Variants in NELL1 observed in about 807,000 individuals in gnomAD.
NELL1 encodes neural EGFL like 1, also known as protein kinase C-binding protein NELL1.
NELL1 carries 76 observed loss-of-function variants against 107.4 expected under a neutral mutation model. The ratio of observed to expected loss-of-function variants is 0.71; its 90% CI spans 0.59 to 0.86. The LOEUF (loss-of-function observed/expected upper bound fraction) is 0.86. Ranked by LOEUF, NELL1 falls within the 40% of genes least tolerant of loss-of-function variation. NELL1 has a pLI of 0.00. For missense variants in NELL1, 1,024 were observed against 1,005.5 expected (o/e 1.02, Z -0.25); for synonymous variants, 353 against 341.2 (o/e 1.03, Z -0.38).
chr11:20,936,770 A>G (rs767732777), intron 9 of NELL1, among the ~76,000 whole-genome samples: 1 of 152,240 alleles, frequency 6.6e-6, no homozygotes, highest in Non-Finnish European at 1.5e-5. Context: ...AATGAAGAAT[A>G]ACTGAGCATC....
intron 2 of NELL1, among the ~76,000 whole-genome samples, chr11:20,777,791 A>G (rs1856777634): frequency 6.6e-6 from 1 of 151,150 alleles, no homozygotes; most frequent in Non-Finnish European, 1.5e-5. Flanking sequence ...ATTCTCTACC[A>G]GTCAAGGCTG....
chr11:20,816,995 G>T (rs1209358681), intron 3 of NELL1, among the ~76,000 whole-genome samples: 2 of 152,142 alleles, frequency 1.3e-5, no homozygotes, highest in African/African-American at 4.8e-5. Flanking sequence ...AAGCTCACTT[G>T]ATCATGAAGA....
At chr11:21,014,566 G>A (rs1754105173) in intron 12 of NELL1, among the ~76,000 whole-genome samples, 1 of 152,064 alleles carries the variant, frequency 6.6e-6, no homozygotes, top group African/African-American at 2.4e-5. Flanking sequence ...CTCAATGCCT[G>A]CTTACCTCCT....
chr11:20,775,762 T>C lies in NELL1; in HGVS notation c.185-7918T>C, dbSNP rs1645614318. ...TAAGAAGAGCTCATCTGCCTTATAG[T>C]ACCTAATTAGCAAAATTATGGGGGT... On this transcript the variant is annotated intron_variant, in intron 2 of 19. Transcript: ENST00000357134. Among the ~76,000 whole-genome samples, 6 of 152,228 alleles carry C rather than the reference T, an allele frequency of 3.9e-5. No homozygotes were observed. In the South Asian group the frequency reaches 1.2e-3, roughly 31 times the overall value.
intron 2 of NELL1, among the ~76,000 whole-genome samples, chr11:20,691,373 A>G (rs868716127): frequency 0.19 from 26,614 of 143,600 alleles, 2,854 homozygotes; most frequent in African/African-American, 0.25. Context: ...GTTTTCAAAC[A>G]GAATGCTTCC....
intron 15 of NELL1, among the ~76,000 whole-genome samples, chr11:21,440,065 G>A (rs1198562180): frequency 6.6e-6 from 1 of 151,986 alleles, no homozygotes; most frequent in Non-Finnish European, 1.5e-5. Flanking sequence ...ATTACATACA[G>A]AAAAACCAAT....
intron 2 of NELL1, among the ~76,000 whole-genome samples, chr11:20,739,120 C>A (rs1318584989): frequency 6.6e-6 from 1 of 152,350 alleles, no homozygotes; most frequent in South Asian, 2.1e-4. Flanking sequence ...GTATTGGCTA[C>A]TGTGTTGGAC....
chr11:21,084,368 T>C (rs1854339752), intron 12 of NELL1, among the ~76,000 whole-genome samples: 1 of 152,026 alleles, frequency 6.6e-6, no homozygotes, highest in Non-Finnish European at 1.5e-5. Flanking sequence ...AATAATAGAG[T>C]GATTATAATG....
chr11:20,742,153 C>G (rs1855906336), intron 2 of NELL1, among the ~76,000 whole-genome samples: 1 of 152,170 alleles, frequency 6.6e-6, no homozygotes, highest in Admixed American at 6.5e-5. Flanking sequence ...GCTTCTTTTT[C>G]CAAGAGGAGA....
chr11:21,130,440 CAG>C (rs574022638), intron 13 of NELL1, among the ~76,000 whole-genome samples: 27 of 152,238 alleles, frequency 1.8e-4, no homozygotes, highest in African/African-American at 6.5e-4. Flanking sequence ...AGAAGAGGAA[CAG>C]AGTTTTGGGT....
chr11:21,202,703 T>C (rs1857297196), intron 13 of NELL1, among the ~76,000 whole-genome samples: 1 of 152,204 alleles, frequency 6.6e-6, no homozygotes, highest in Admixed American at 6.5e-5. Context: ...CTCTAGTTCA[T>C]TTAATTGTGA....
At chr11:21,154,728 A>G (rs1319617344) in intron 13 of NELL1, among the ~76,000 whole-genome samples, 1 of 152,182 alleles carries the variant, frequency 6.6e-6, no homozygotes, top group East Asian at 1.9e-4. Flanking sequence ...GTAGGATGAC[A>G]GCAAATAAAC....
intron 13 of NELL1, among the ~76,000 whole-genome samples, chr11:21,140,764 G>A (rs1855848349): frequency 6.6e-6 from 1 of 152,068 alleles, no homozygotes; most frequent in Non-Finnish European, 1.5e-5. Flanking sequence ...TTCAATTGGA[G>A]GTTTTAAAGT....
At chr11:20,704,766 C>G (rs761234806) in intron 2 of NELL1, among the ~76,000 whole-genome samples, 1 of 152,108 alleles carries the variant, frequency 6.6e-6, no homozygotes, top group Non-Finnish European at 1.5e-5. Flanking sequence ...ACTTACGAAG[C>G]TTAGTTTGGC....
intron 13 of NELL1, among the ~76,000 whole-genome samples, chr11:21,228,000 TAAC>T (rs1191358731): frequency 6.6e-6 from 1 of 152,216 alleles, no homozygotes; most frequent in Non-Finnish European, 1.5e-5. Context: ...ATAATTCACT[TAAC>T]AAACTATATT....
At chr11:21,364,892 T>G (rs1263014523) in intron 14 of NELL1, among the ~76,000 whole-genome samples, 1 of 152,210 alleles carries the variant, frequency 6.6e-6, no homozygotes, top group African/African-American at 2.4e-5. Context: ...TGCATTCTTT[T>G]TAAATATTCA....
chr11:21,213,720 A>G (rs1419720313), intron 13 of NELL1, among the ~76,000 whole-genome samples: 1 of 152,232 alleles, frequency 6.6e-6, no homozygotes, highest in Non-Finnish European at 1.5e-5. Flanking sequence ...TGACAAAGTT[A>G]TTAACACAAT....
At chr11:20,735,591 A>G (rs1590245100) in intron 2 of NELL1, among the ~76,000 whole-genome samples, 1 of 152,184 alleles carries the variant, frequency 6.6e-6, no homozygotes, top group Non-Finnish European at 1.5e-5. Flanking sequence ...ACAATTCAAG[A>G]TGAGATTTGG....
At chr11:21,451,987 A>C (rs1405937983) in intron 15 of NELL1, among the ~76,000 whole-genome samples, 2 of 152,164 alleles carry the variant, frequency 1.3e-5, no homozygotes. Context: ...CACAATCAAA[A>C]TATTGTTTTA....
Sources: allele counts gnomAD v4.1 joint callset (sites outside exome capture counted in the v4.1 genomes callset), GRCh38; gene constraint gnomAD v4.1.1; transcripts MANE v1.5; gene names NCBI Gene and HGNC (gene_info 2026-07-23, HGNC 2026-07-21).